The following MYO18B variants were observed in gnomAD, a reference collection of about 807,000 sequenced individuals.
The protein encoded by MYO18B is myosin XVIIIB.
Under a neutral mutation model 273.0 loss-of-function variants are expected in MYO18B, and 204 were observed. The observed-to-expected ratio is 0.75, with a 90% confidence interval of 0.67 to 0.84. MYO18B has a LOEUF of 0.84. Among genes scored for constraint, MYO18B ranks in the 40% least tolerant of loss-of-function variants. MYO18B has a pLI of 0.00. For synonymous variants in MYO18B, 1,330 were observed against 1,305.7 expected, an observed-to-expected ratio of 1.02 and a Z score of -0.40; for missense variants, 3,212 against 3,287.6, an observed-to-expected ratio of 0.98 and a Z score of 0.56.
intron 13 of MYO18B, among the ~76,000 whole-genome samples, chr22:25,825,813 C>A (rs1243267966): frequency 6.6e-6 from 1 of 152,184 alleles, no homozygotes; most frequent in Non-Finnish European, 1.5e-5. Context: ...CTCAATATTT[C>A]ATTAGAATAA....
At chr22:25,950,609 T>G (rs2092781869) in intron 37 of MYO18B, among the ~76,000 whole-genome samples, 159 bp downstream of exon 37, 1 of 151,830 alleles carries the variant, frequency 6.6e-6, no homozygotes, top group Non-Finnish European at 1.5e-5. Context: ...TCTCACTCTG[T>G]CACCCAGACT....
intron 12 of MYO18B, among the ~76,000 whole-genome samples, chr22:25,799,966 GATAT>G (rs3069295): frequency 6.6e-6 from 1 of 151,832 alleles, no homozygotes; most frequent in African/African-American, 2.4e-5. Context: ...GAAAATGTGA[GATAT>G]ATATATATAC....
At chr22:25,797,261 C>T (rs139501106) in intron 11 of MYO18B, among the ~76,000 whole-genome samples, 4 of 152,242 alleles carry the variant, frequency 2.6e-5, no homozygotes, top group East Asian at 1.9e-4. Context: ...CTGCTTCCGT[C>T]GACCACCTAT....
chr22:25,749,880 C>G (rs1289072013), intron 1 of MYO18B, among the ~76,000 whole-genome samples: 1 of 152,204 alleles, frequency 6.6e-6, no homozygotes, highest in African/African-American at 2.4e-5. Flanking sequence ...GGTTAACAGT[C>G]AGCAAATGAC....
chr22:25,957,075 A>G (rs1466011397), intron 39 of MYO18B, among the ~76,000 whole-genome samples: 1 of 152,184 alleles, frequency 6.6e-6, no homozygotes, highest in Non-Finnish European at 1.5e-5. Context: ...AGTTGACAGG[A>G]TAACTTCCTC....
the MYO18B span, among the ~76,000 whole-genome samples, chr22:26,038,862 C>G: frequency 6.6e-6 from 1 of 152,188 alleles, no homozygotes; most frequent in African/African-American, 2.4e-5. Context: ...GCATTTAAAA[C>G]TTGCCCCAGG....
intron 11 of MYO18B, among the ~76,000 whole-genome samples, chr22:25,794,405 C>T (rs1437296076): frequency 6.6e-6 from 1 of 151,132 alleles, no homozygotes; most frequent in South Asian, 2.1e-4. Flanking sequence ...CAGGGTCTCA[C>T]TCTTGCTCAG....
intron 34 of MYO18B, among the ~76,000 whole-genome samples, chr22:25,922,715 A>G (rs1321409822): frequency 6.6e-6 from 1 of 152,164 alleles, no homozygotes; most frequent in African/African-American, 2.4e-5. Flanking sequence ...CTGGAGACAC[A>G]GCCCATGATG....
intron 30 of MYO18B, chr22:25,902,980 G>A: frequency 2.3e-6 from 1 of 442,364 alleles, no homozygotes; most frequent in South Asian, 2.3e-5. Flanking sequence ...GTTCCGAGGT[G>A]CTTACCTGGG....
chr22:25,849,279 T>C (rs1290958411), intron 20 of MYO18B, among the ~76,000 whole-genome samples: 3 of 152,210 alleles, frequency 2.0e-5, no homozygotes, highest in Non-Finnish European at 4.4e-5. Context: ...AGCTCAGCCA[T>C]GATGAGCTTT....
rs200463817 is a variant in MYO18B at position 25,769,073 on chromosome 22, G to T, written c.1157G>T (p.Gly386Val). 6.2e-7 allele frequency: 1 copy of T among 1,613,088 alleles called. No homozygotes were observed. Among genetic ancestry groups the T allele is most frequent in the East Asian group, 2.2e-5 (1 of 44,858 alleles). The change falls in exon 4 of 44, where the codon GGT (glycine) becomes GTT (valine). Residue 386 changes from glycine to valine, a missense_variant. Coordinates refer to ENST00000335473, the MANE Select transcript of MYO18B (RefSeq NM_032608.7). ...CTTCGGAGCACGACTGGGAAGGCAGGTGAGTCCTGGGATAAGAAGGAAAAG... is the reference window on the plus strand; with the variant it reads ...CTTCGGAGCACGACTGGGAAGGCAGTTGAGTCCTGGGATAAGAAGGAAAAG... ...GELRSTTGKA[G>V]ESWDKKEKMG...
At chr22:25,813,961 G>T (rs1474927539) in intron 12 of MYO18B, among the ~76,000 whole-genome samples, 1 of 152,218 alleles carries the variant, frequency 6.6e-6, no homozygotes, top group African/African-American at 2.4e-5. Flanking sequence ...ATTCTGGGCT[G>T]CAGGCAGGGA....
At chr22:25,990,715 A>G (rs1426014209) in intron 39 of MYO18B, among the ~76,000 whole-genome samples, 16 of 45,844 alleles carry the variant, frequency 3.5e-4, no homozygotes, top group Non-Finnish European at 6.2e-4. Context: ...AAAAAAAAAA[A>G]AAAAAGAAAA....
In MYO18B at chr22:26,026,810, C is replaced by T. The variant is rs755781563; in HGVS notation, c.6836C>T (p.Pro2279Leu). The T allele has an allele frequency of 3.1e-6, 5 of 1,595,224 alleles. No individual in the cohort carries two copies. The highest frequency in any genetic ancestry group is 1.8e-5 in the Admixed American group (1 of 56,558). ...TLGLEDWPTL[P>L]IYQTTGASTL... Reference sequence around the variant, plus strand: ...GGCCTAGAGGACTGGCCCACTCTCCCCATTTACCAGACGACTGGGGCCTCC... The same window carrying T: ...GGCCTAGAGGACTGGCCCACTCTCCTCATTTACCAGACGACTGGGGCCTCC... The change falls in exon 43 of 44, where the codon CCC becomes CTC. Residue 2279 changes from proline to leucine, a missense_variant. Coordinates refer to ENST00000335473, the MANE Select transcript of MYO18B (RefSeq NM_032608.7).
At chr22:25,775,752 C>T (rs1416294541) in intron 7 of MYO18B, among the ~76,000 whole-genome samples, 4 of 152,106 alleles carry the variant, frequency 2.6e-5, no homozygotes, top group African/African-American at 9.7e-5. Flanking sequence ...GCTCTGTTCT[C>T]ACACTCTTCC....
At chr22:25,878,416 G>A (rs766228805) in intron 25 of MYO18B, among the ~76,000 whole-genome samples, 49 of 152,294 alleles carry the variant, frequency 3.2e-4, no homozygotes, top group South Asian at 2.5e-3. Flanking sequence ...AAATGAAGAT[G>A]TATATTACTT....
intron 21 of MYO18B, among the ~76,000 whole-genome samples, chr22:25,862,353 A>G (rs1260972281): frequency 1.3e-5 from 2 of 152,152 alleles, no homozygotes; most frequent in African/African-American, 4.8e-5. Flanking sequence ...AGGTAAGTTA[A>G]GGGAAGCAAA....
intron 33 of MYO18B, among the ~76,000 whole-genome samples, chr22:25,911,579 TC>T (rs1436165374): frequency 6.6e-6 from 1 of 152,178 alleles, no homozygotes; most frequent in Non-Finnish European, 1.5e-5. Context: ...TACACCAGGG[TC>T]CTCAACTGCA....
chr22:26,026,265 A>G (rs1320233794), intron 42 of MYO18B, among the ~76,000 whole-genome samples, 180 bp from the exon 43 acceptor site: 1 of 152,232 alleles, frequency 6.6e-6, no homozygotes, highest in East Asian at 1.9e-4. Context: ...AAGCAACAAG[A>G]AATCATTTAC....
Sources: gnomAD v4.1 joint callset for allele counts (sites outside exome capture counted in the v4.1 genomes callset) on GRCh38, gnomAD v4.1.1 for gene constraint, MANE v1.5 for transcripts, NCBI Gene and HGNC (gene_info 2026-07-23, HGNC 2026-07-21) for gene names.